The following CAMTA1 variants were observed in gnomAD, a reference collection of about 807,000 sequenced individuals.
CAMTA1 encodes calmodulin-binding transcription activator 1.
A neutral mutation model predicts 170.9 loss-of-function variants in CAMTA1; 27 were observed. The observed-to-expected ratio is 0.16, with a 90% CI of 0.12 to 0.22. CAMTA1 has a LOEUF of 0.22. CAMTA1 is among the 10% of genes least tolerant of loss of function. The probability of loss-of-function intolerance (pLI) is 1.00; values close to 1 mark genes in which losing one functional copy is unlikely to be tolerated. For synonymous variants in CAMTA1, 833 were observed against 891.5 expected (o/e 0.93, Z 1.17); for missense variants, 1,619 against 2,217.2 (o/e 0.73, Z 5.42).
chr1:7,006,021 G>C (rs1281455315), intron 3 of CAMTA1, among the ~76,000 whole-genome samples: 1 of 152,190 alleles, frequency 6.6e-6, no homozygotes, highest in Non-Finnish European at 1.5e-5. Flanking sequence ...GGACAGGGAA[G>C]GTAGCATTGG....
chr1:7,267,527 G>T (rs191971155), intron 5 of CAMTA1, among the ~76,000 whole-genome samples: 152 of 152,276 alleles, frequency 1.0e-3, no homozygotes, highest in African/African-American at 3.6e-3. Context: ...AGGCTCCAGA[G>T]GCTCTCTGTA....
At chr1:7,442,801 G>T (rs1284115446) in intron 5 of CAMTA1, among the ~76,000 whole-genome samples, 2 of 152,166 alleles carry the variant, frequency 1.3e-5, no homozygotes, top group Non-Finnish European at 2.9e-5. Flanking sequence ...CATTTATTGA[G>T]CACCTACTGT....
intron 5 of CAMTA1, among the ~76,000 whole-genome samples, chr1:7,401,043 T>C (rs1333285911): frequency 1.3e-5 from 2 of 152,250 alleles, no homozygotes; most frequent in Non-Finnish European, 2.9e-5. Context: ...AATGGATCAA[T>C]TTGTTCATTT....
At chr1:7,659,305 G>C (rs568970896) in intron 7 of CAMTA1, among the ~76,000 whole-genome samples, 20 of 152,324 alleles carry the variant, frequency 1.3e-4, no homozygotes, top group African/African-American at 4.1e-4. Flanking sequence ...GAGGCCAAAG[G>C]GGGGTGGATC....
chr1:6,860,107 A>T (rs6664327), intron 3 of CAMTA1, among the ~76,000 whole-genome samples: 1 of 152,018 alleles, frequency 6.6e-6, no homozygotes, highest in South Asian at 2.1e-4. Context: ...TAAAAGAAGT[A>T]TGTATAATAT....
intron 4 of CAMTA1, among the ~76,000 whole-genome samples, chr1:7,177,840 C>T (rs1026466215): frequency 6.6e-6 from 1 of 151,802 alleles, no homozygotes; most frequent in African/African-American, 2.4e-5. Flanking sequence ...CACAGAGGCT[C>T]CTCCCACACA....
chr1:7,285,100 T>TAG (rs1212952672), intron 5 of CAMTA1, among the ~76,000 whole-genome samples: 1 of 152,134 alleles, frequency 6.6e-6, no homozygotes, highest in African/African-American at 2.4e-5. Context: ...CCATGCGTCC[T>TAG]AGAGAGAGAT....
In CAMTA1 at chr1:7,660,357, G is replaced by A. The variant is rs1251834531; in HGVS notation, c.665-1369G>A. Among the ~76,000 whole-genome samples, 5 of 152,316 alleles carry A rather than the reference G, an allele frequency of 3.3e-5. No individual in the cohort carries two copies. In the South Asian group the frequency reaches 1.0e-3, roughly 32 times the overall value. On this transcript the variant is annotated intron_variant, in intron 7 of 22. Coordinates refer to ENST00000303635, the MANE Select transcript of CAMTA1 (RefSeq NM_015215.4). ...ATTAGGATTATAGGTGTGAGCCACT[G>A]CGCCTGGCCTCTACAAATAATTTTT...
chr1:7,198,837 T>C (rs1481521885), intron 4 of CAMTA1, among the ~76,000 whole-genome samples: 1 of 152,104 alleles, frequency 6.6e-6, no homozygotes, highest in Non-Finnish European at 1.5e-5. Context: ...ATTCCTGTAG[T>C]GAGTCTGGGG....
At chr1:6,842,652 G>T (rs932331848) in intron 3 of CAMTA1, among the ~76,000 whole-genome samples, 1 of 152,198 alleles carries the variant, frequency 6.6e-6, no homozygotes, top group Admixed American at 6.5e-5. Context: ...CAGGCGTGGC[G>T]GCTCATACCT....
intron 3 of CAMTA1, among the ~76,000 whole-genome samples, chr1:6,946,951 G>A (rs976845889): frequency 2.0e-5 from 3 of 151,568 alleles, no homozygotes; most frequent in Non-Finnish European, 4.4e-5. Flanking sequence ...TAGCTCTGAC[G>A]CTTAGGTCTT....
chr1:6,870,122 T>C (rs1360644388), intron 3 of CAMTA1, among the ~76,000 whole-genome samples: 3 of 152,222 alleles, frequency 2.0e-5, no homozygotes, highest in South Asian at 4.1e-4. Flanking sequence ...TTGACTCGTG[T>C]TACACTACTC....
rs747067716 is a variant in CAMTA1 at position 7,161,931 on chromosome 1, C to T, written c.302+70560C>T. On this transcript the variant is annotated intron_variant, in intron 4 of 22. Transcript: ENST00000303635. Reference sequence around the variant, plus strand: ...GAAGAAAACAGGGCAAGGTGTGCAACGCCAAGCTTACTGTGTGTGTCTCTC... The same window carrying T: ...GAAGAAAACAGGGCAAGGTGTGCAATGCCAAGCTTACTGTGTGTGTCTCTC... Among the ~76,000 whole-genome samples, 6 of 152,066 alleles carry T rather than the reference C, an allele frequency of 3.9e-5. No homozygotes were observed. The South Asian group carries it at 6.3e-4, about 16-fold the overall frequency.
chr1:6,836,445 G>C (rs1053832806), intron 3 of CAMTA1, among the ~76,000 whole-genome samples: 1 of 152,158 alleles, frequency 6.6e-6, no homozygotes, highest in African/African-American at 2.4e-5. Context: ...AATGTTCACT[G>C]GTCTGGCGAA....
chr1:7,415,858 T>G (rs2091126889), intron 5 of CAMTA1, among the ~76,000 whole-genome samples: 1 of 152,220 alleles, frequency 6.6e-6, no homozygotes, highest in Non-Finnish European at 1.5e-5. Flanking sequence ...CTAGCCTTGA[T>G]GGTCTTTACA....
At chr1:7,353,698 A>G (rs1257948214) in intron 5 of CAMTA1, among the ~76,000 whole-genome samples, 1 of 152,122 alleles carries the variant, frequency 6.6e-6, no homozygotes, top group Non-Finnish European at 1.5e-5. Flanking sequence ...TGCTGGGATT[A>G]CAGGTGTGAG....
intron 10 of CAMTA1, 120 bp from the exon 11 acceptor site, chr1:7,677,479 G>A (rs2096133661): frequency 8.7e-7 from 1 of 1,147,872 alleles, no homozygotes; most frequent in African/African-American, 1.5e-5. Flanking sequence ...CTACCATTAA[G>A]GAGAGCTGGA....
Position 7,632,923 on chromosome 1 carries a change from C to G in CAMTA1, c.511-7477C>G, listed in dbSNP as rs772959620. ...CCTCTGCAGCCTGGAGCACCTCCCC[C>G]ACCTCCGCCTCATGCCCATTTACTA... is the stretch of plus-strand genomic sequence containing the variant. On this transcript the variant is annotated intron_variant, in intron 6 of 22. Transcript: ENST00000303635. 1.6e-4 allele frequency among the ~76,000 whole-genome samples: 24 copies of G among 152,364 alleles called. No homozygotes were observed. In the Middle Eastern group the frequency reaches 0.01, roughly 65 times the overall value.
chr1:7,281,016 C>T (rs573209933), intron 5 of CAMTA1, among the ~76,000 whole-genome samples: 1 of 152,316 alleles, frequency 6.6e-6, no homozygotes, highest in African/African-American at 2.4e-5. Flanking sequence ...TATTTACAAA[C>T]ACAGAATTAA....
Sources: gnomAD v4.1 joint callset for allele counts (sites outside exome capture counted in the v4.1 genomes callset) on GRCh38, gnomAD v4.1.1 for gene constraint, MANE v1.5 for transcripts, NCBI Gene and HGNC (gene_info 2026-07-23, HGNC 2026-07-21) for gene names.